The following ATAD2B variants were observed in gnomAD, a reference collection of about 807,000 sequenced individuals.
ATAD2B encodes the protein ATPase family AAA domain-containing protein 2B.
A neutral mutation model predicts 167.6 loss-of-function variants in ATAD2B; 40 were observed. The observed-to-expected ratio is 0.24, with a 90% CI of 0.19 to 0.31. ATAD2B has a LOEUF of 0.31. Ranked by LOEUF, ATAD2B falls within the 10% of genes least tolerant of loss-of-function variation. The pLI is 1.00. For synonymous variants in ATAD2B, 579 were observed against 596.5 expected (o/e 0.97, Z 0.43); for missense variants, 1,242 against 1,757.2 (o/e 0.71, Z 5.24).
intron 25 of ATAD2B, among the ~76,000 whole-genome samples, chr2:23,756,123 T>C (rs948670308): frequency 6.6e-6 from 1 of 152,180 alleles, no homozygotes; most frequent in Non-Finnish European, 1.5e-5. Flanking sequence ...TTCGGCCTCA[T>C]ACCAGATTCC....
chr2:23,857,956 G>T (rs1397055671), intron 12 of ATAD2B, among the ~76,000 whole-genome samples: 1 of 151,558 alleles, frequency 6.6e-6, no homozygotes, highest in Non-Finnish European at 1.5e-5. Context: ...CGTTAGTCAG[G>T]ATGGTCTCGA....
intron 7 of ATAD2B, among the ~76,000 whole-genome samples, chr2:23,878,652 C>T (rs1352241397): frequency 6.6e-6 from 1 of 152,010 alleles, no homozygotes; most frequent in Non-Finnish European, 1.5e-5. Context: ...GAGCAAGACT[C>T]CATCTCAAAA....
At chr2:23,766,006 T>C (rs572656999) in intron 22 of ATAD2B, among the ~76,000 whole-genome samples, 3 of 152,278 alleles carry the variant, frequency 2.0e-5, no homozygotes, top group East Asian at 1.9e-4. Flanking sequence ...AGATTAATAT[T>C]AGGAATTCAA....
chr2:23,792,037 T>C (rs1681818126), intron 19 of ATAD2B, among the ~76,000 whole-genome samples: 1 of 152,100 alleles, frequency 6.6e-6, no homozygotes, highest in Non-Finnish European at 1.5e-5. Context: ...CAACATTTGT[T>C]AATTTCTGTT....
At chr2:23,681,190 C>T in the ATAD2B span, among the ~76,000 whole-genome samples, 38 of 152,320 alleles carry the variant, frequency 2.5e-4, no homozygotes, top group East Asian at 6.9e-3. This position sits in a 1 kb window ranked among gnomAD's most constrained non-coding sequence, Gnocchi z 4.2. Context: ...ACCAGCCAAT[C>T]GATACTAGGA....
the ATAD2B span, chr2:23,706,666 A>G: frequency 1.3e-6 from 2 of 1,517,676 alleles, no homozygotes; most frequent in Non-Finnish European, 1.8e-6. Flanking sequence ...AGCGGCTGAC[A>G]TCAGCAGAAA....
chr2:23,738,125 G>C, the ATAD2B span, among the ~76,000 whole-genome samples: 1 of 152,228 alleles, frequency 6.6e-6, no homozygotes, highest in African/African-American at 2.4e-5. Flanking sequence ...AAAACACTCT[G>C]TAGGATATTA....
At chr2:23,888,112 T>C (rs768554961) in intron 3 of ATAD2B, 127 bp from the exon 4 acceptor site, 4 of 789,630 alleles carry the variant, frequency 5.1e-6, no homozygotes, top group Non-Finnish European at 7.5e-6. Context: ...ATGGCTTTAA[T>C]AGTCAATAAT....
At chr2:23,680,671 C>CTCTAGGCCATCTTCCCCTGGGG in the ATAD2B span, among the ~76,000 whole-genome samples, 1 of 140,066 alleles carries the variant, frequency 7.1e-6, no homozygotes, top group Non-Finnish European at 1.6e-5. The surrounding 1 kb of genome is among the most constrained non-coding windows in gnomAD (Gnocchi z 4.1). Flanking sequence ...TTCTCCTGGG[C>CTCTAGGCCATCTTCCCCTGGGG]TCTCTAGGCC....
chr2:23,716,658 A>G, the ATAD2B span, among the ~76,000 whole-genome samples: 1 of 152,150 alleles, frequency 6.6e-6, no homozygotes, highest in African/African-American at 2.4e-5. Flanking sequence ...TTCTCCCCCA[A>G]ATTATCTGAC....
At chr2:23,677,997 C>T in the ATAD2B span, among the ~76,000 whole-genome samples, 1 of 152,344 alleles carries the variant, frequency 6.6e-6, no homozygotes, top group African/African-American at 2.4e-5. Flanking sequence ...TAATGGACTT[C>T]TCTGCTGCAA....
chr2:23,743,056 C>T, the ATAD2B span, among the ~76,000 whole-genome samples: 7 of 151,400 alleles, frequency 4.6e-5, no homozygotes, highest in Non-Finnish European at 8.8e-5. Flanking sequence ...AGAAAAGCAC[C>T]GACTTCTCAG....
intron 13 of ATAD2B, among the ~76,000 whole-genome samples, chr2:23,851,721 G>A (rs1185888157): frequency 6.6e-6 from 1 of 152,016 alleles, no homozygotes; most frequent in Non-Finnish European, 1.5e-5. Context: ...GTATAACACA[G>A]ACTATTTTCA....
At chr2:23,695,868 C>A in the ATAD2B span, 1 of 1,535,086 alleles carries the variant, frequency 6.5e-7, no homozygotes, top group South Asian at 1.2e-5. This position sits in a 1 kb window ranked among gnomAD's most constrained non-coding sequence, Gnocchi z 7.6. Flanking sequence ...GTGTCTTGGG[C>A]TCAGTGGTTC....
the ATAD2B span, among the ~76,000 whole-genome samples, chr2:23,728,705 G>A: frequency 6.6e-6 from 1 of 152,034 alleles, no homozygotes; most frequent in Non-Finnish European, 1.5e-5. Context: ...AGTAGGGGGT[G>A]TTTTTTGTTT....
At chr2:23,826,970 A>C (rs1688350800) in intron 15 of ATAD2B, among the ~76,000 whole-genome samples, 1 of 152,212 alleles carries the variant, frequency 6.6e-6, no homozygotes, top group African/African-American at 2.4e-5. Context: ...ATGAGGCATA[A>C]ATTTCAATGA....
the ATAD2B span, among the ~76,000 whole-genome samples, chr2:23,680,329 T>G: frequency 6.6e-6 from 1 of 151,980 alleles, no homozygotes; most frequent in Non-Finnish European, 1.5e-5. The surrounding 1 kb of genome is among the most constrained non-coding windows in gnomAD (Gnocchi z 4.1). Flanking sequence ...AGCTCCATGC[T>G]GGGCGCTGAG....
At chr2:23,852,730 C>A (rs1358935949) in intron 13 of ATAD2B, among the ~76,000 whole-genome samples, 1 of 152,000 alleles carries the variant, frequency 6.6e-6, no homozygotes, top group Admixed American at 6.6e-5. Flanking sequence ...ACAAGCCTGA[C>A]CAACATGGTG....
Position 23,863,402 on chromosome 2 carries a change from T to C in ATAD2B, c.1458A>G (p.Gln486=). 1 of 1,552,172 alleles carries C rather than the reference T, an allele frequency of 6.4e-7. No homozygotes were observed. Among genetic ancestry groups the C allele is most frequent in the Non-Finnish European group, 8.7e-7 (1 of 1,147,092 alleles). Residue 486 remains glutamine (Q), a synonymous_variant, in exon 12 of 28, where the codon CAA becomes CAG. Transcript: ENST00000238789. ...TTACCTGATCAAAAAGAAGCCTAAG[T>C]TGCCTTTCAGATTCACCAACCCACT... ...LSKWVGESER[Q]LRLLFDQAYL...
Sources: allele counts gnomAD v4.1 joint callset (sites outside exome capture counted in the v4.1 genomes callset), GRCh38; gene constraint gnomAD v4.1.1; non-coding constraint Gnocchi (gnomAD v3.1); transcripts MANE v1.5; gene names NCBI Gene and HGNC (gene_info 2026-07-23, HGNC 2026-07-21).